Variants in CYTH3 observed in about 807,000 individuals in gnomAD.
CYTH3 encodes cytohesin 3.
A neutral mutation model predicts 55.1 loss-of-function variants in CYTH3; 23 were observed. That is an observed-to-expected ratio of 0.42 (90% CI 0.30 to 0.59). The LOEUF (loss-of-function observed/expected upper bound fraction) is 0.59, where lower values mean the gene tolerates loss of function less well. Among genes scored for constraint, CYTH3 ranks in the 20% least tolerant of loss-of-function variants. The pLI is 0.20. For synonymous variants in CYTH3, 249 were observed against 194.9 expected (o/e 1.28, Z -2.31); for missense variants, 413 against 524.8 (o/e 0.79, Z 2.08).
In CYTH3 at chr7:6,161,925, T is replaced by C. The variant is rs1005978191; in HGVS notation, c.*3019A>G. Reference sequence around the variant, plus strand: ...GCGAGCTGTGGGAGTATATACATCATTGAATAACAGACACTCCAGAAATCA... The same window carrying C: ...GCGAGCTGTGGGAGTATATACATCACTGAATAACAGACACTCCAGAAATCA... On this transcript the variant is annotated 3_prime_UTR_variant, in exon 13 of 13. Transcript: ENST00000350796. The C allele has an allele frequency of 3.9e-5, 6 of 152,586 alleles. No individual in the cohort carries two copies. The highest frequency in any genetic ancestry group is 1.2e-4 in the African/African-American group (5 of 41,436). 9.5% of individuals were successfully genotyped at this position (152,586 alleles called of 1,614,324 possible).
intron 1 of CYTH3, among the ~76,000 whole-genome samples, chr7:6,259,775 TATATATATAATATATATATATATATATA>T (rs1780261838): frequency 8.6e-5 from 2 of 23,124 alleles, no homozygotes; most frequent in Non-Finnish European, 1.2e-4. Flanking sequence ...ATATATATTA[TATATATATAATATATATATATATATATA>T]TATATATATA....
chr7:6,171,459 G>A lies in CYTH3; in HGVS notation c.450-145C>T. On this transcript the variant is annotated intron_variant, in intron 6 of 12. Coordinates refer to ENST00000350796, the MANE Select transcript of CYTH3 (RefSeq NM_004227.4). This position sits in a 1 kb window ranked among gnomAD's most constrained non-coding sequence, Gnocchi z 6.7. ...GCAGGGGCTTGGGGGCGCAGAGACA[G>A]AAAGGAGAAGACCCAGGACAGTCTC... 1.5e-6 allele frequency: 1 copy of A among 649,060 alleles called. No homozygotes were observed. The highest frequency in any genetic ancestry group is 2.7e-6 in the Non-Finnish European group (1 of 370,990). 40.2% of individuals were successfully genotyped at this position (649,060 alleles called of 1,614,324 possible). A position where few individuals can be genotyped will look rare whatever the true frequency, so the allele number is the denominator to read the frequency against.
chr7:6,173,637 A>T lies in CYTH3; in HGVS notation c.449+16T>A, dbSNP rs371854978. On this transcript the variant is annotated intron_variant, in intron 6 of 12. Coordinates refer to ENST00000350796, the MANE Select transcript of CYTH3 (RefSeq NM_004227.4). ...CTTCCCCATCCACTCTACACCCAGCAAATGATCATACTTACCTTAAGGCTT... is the reference window on the plus strand; with the variant it reads ...CTTCCCCATCCACTCTACACCCAGCTAATGATCATACTTACCTTAAGGCTT... The T allele has an allele frequency of 5.7e-6, 9 of 1,578,352 alleles. No individual in the cohort carries two copies. In the African/African-American group the frequency reaches 1.2e-4, roughly 21 times the overall value.
In CYTH3 at chr7:6,170,429, C is replaced by T. The variant is rs1783143142; in HGVS notation, c.823+106G>A. ...TTAACCGCGTTTCTTTTTAACGTCTCTGCCTGCGGTGGGGGGCATTCCTAC... is the reference window on the plus strand; with the variant it reads ...TTAACCGCGTTTCTTTTTAACGTCTTTGCCTGCGGTGGGGGGCATTCCTAC... On this transcript the variant is annotated intron_variant, in intron 9 of 12. Transcript: ENST00000350796. The surrounding 1 kb of genome is among the most constrained non-coding windows in gnomAD (Gnocchi z 7.8). 9.6e-7 allele frequency: 1 copy of T among 1,041,762 alleles called. No individual in the cohort carries two copies. The highest frequency in any genetic ancestry group is 2.5e-5 in the East Asian group (1 of 39,740). The allele number at this position is 1,041,762 out of a possible 1,614,324, so 64.5% of individuals were successfully genotyped here.
At position 6,165,395 on chromosome 7, in the gene CYTH3, T is replaced by A; in HGVS notation, c.1005A>T (p.Lys335Asn). ...TCTTACAGGCCTTGATGACCTGCCC[T>A]TTGTGGCTGGGATTGTAGAGCTCAA... ...NCFELYNPSHKGQVIKACKTE... is the reference protein window; with the variant it reads ...NCFELYNPSHNGQVIKACKTE... Residue 335 changes from lysine (K) to asparagine (N), a missense_variant, in exon 12 of 13, where the codon AAA (lysine) becomes AAT (asparagine). Lys to Asn is a moderately conservative substitution (Grantham distance 94). Transcript: ENST00000350796. 1 of 1,614,072 alleles carries A rather than the reference T, an allele frequency of 6.2e-7. No individual in the cohort carries two copies. Among genetic ancestry groups the A allele is most frequent in the Non-Finnish European group, 8.5e-7 (1 of 1,179,982 alleles).
At chr7:6,213,362 A>G (rs1219633069) in intron 1 of CYTH3, among the ~76,000 whole-genome samples, 1 of 152,222 alleles carries the variant, frequency 6.6e-6, no homozygotes, top group African/African-American at 2.4e-5. Flanking sequence ...TATAGAAAAG[A>G]GTTTGGGGAA....
At chr7:6,212,753 T>A (rs1784349158) in intron 1 of CYTH3, 1 of 152,234 alleles carries the variant, frequency 6.6e-6, no homozygotes, top group African/African-American at 2.4e-5. Context: ...CCTTCCTTTG[T>A]AAGGCTGAGT....
Position 6,239,841 on chromosome 7 carries a change from A to C in CYTH3, c.34+32633T>G, listed in dbSNP as rs558384957. Among the ~76,000 whole-genome samples the C allele has an allele frequency of 1.7e-4, 26 of 152,336 alleles. No homozygotes were observed. The Middle Eastern group carries it at 0.024, about 140-fold the overall frequency. ...AACATATGTAAGTAGAAGGAAAACTAACACACTTGAATGGTAACAGACTTG... is the reference window on the plus strand; with the variant it reads ...AACATATGTAAGTAGAAGGAAAACTCACACACTTGAATGGTAACAGACTTG... On this transcript the variant is annotated intron_variant, in intron 1 of 12. Coordinates refer to ENST00000350796, the MANE Select transcript of CYTH3 (RefSeq NM_004227.4).
At chr7:6,251,418 G>A (rs910806085) in intron 1 of CYTH3, among the ~76,000 whole-genome samples, 5 of 151,548 alleles carry the variant, frequency 3.3e-5, no homozygotes, top group East Asian at 1.9e-4. Context: ...CTACAAAAGC[G>A]TTTCTTTCAG....
intron 1 of CYTH3, among the ~76,000 whole-genome samples, chr7:6,198,163 C>T (rs1783979069): frequency 6.6e-6 from 1 of 150,438 alleles, no homozygotes; most frequent in African/African-American, 2.4e-5. Context: ...GTAGCAATAT[C>T]ACTCAGGATA....
At chr7:6,259,422 A>T (rs534402448) in intron 1 of CYTH3, among the ~76,000 whole-genome samples, 28 of 152,258 alleles carry the variant, frequency 1.8e-4, no homozygotes, top group African/African-American at 6.0e-4. Flanking sequence ...CAGCTCAAAG[A>T]GTAAATTTAC....
At chr7:6,173,764 A>G (rs1233574939) in intron 5 of CYTH3, 31 bp from the exon 6 acceptor site, 2 of 1,288,364 alleles carry the variant, frequency 1.6e-6, no homozygotes, top group Non-Finnish European at 2.3e-6. Context: ...TTTCAAACCT[A>G]ATGTACATTA....
chr7:6,210,085 G>A (rs1784290725), intron 1 of CYTH3, among the ~76,000 whole-genome samples: 1 of 152,122 alleles, frequency 6.6e-6, no homozygotes. Flanking sequence ...AAAAGGAAAT[G>A]CTATTGTAAA....
chr7:6,233,244 G>C (rs563116564), intron 1 of CYTH3, among the ~76,000 whole-genome samples: 1 of 152,234 alleles, frequency 6.6e-6, no homozygotes, highest in African/African-American at 2.4e-5. Flanking sequence ...TGTCCAAAAA[G>C]GAATTAATTA....
At chr7:6,262,012 C>T (rs1308050637) in intron 1 of CYTH3, among the ~76,000 whole-genome samples, 2 of 151,150 alleles carry the variant, frequency 1.3e-5, no homozygotes, top group African/African-American at 4.8e-5. Context: ...AAATTGGAAT[C>T]TTTAAAAAAA....
At chr7:6,232,662 G>A (rs1263581351) in intron 1 of CYTH3, among the ~76,000 whole-genome samples, 1 of 152,190 alleles carries the variant, frequency 6.6e-6, no homozygotes, top group Admixed American at 6.5e-5. Context: ...GGTGGCTGCA[G>A]CAGCAGCCAC....
chr7:6,235,917 T>C (rs1278116596), intron 1 of CYTH3, among the ~76,000 whole-genome samples: 2 of 152,190 alleles, frequency 1.3e-5, no homozygotes, highest in Non-Finnish European at 2.9e-5. Flanking sequence ...GTAGCTCCAA[T>C]CTATTGCTGT....
rs542506457 is a variant in CYTH3 at position 6,171,574 on chromosome 7, T to C, written c.450-260A>G. 6.6e-6 allele frequency among the ~76,000 whole-genome samples: 1 copy of C among 152,242 alleles called. No individual in the cohort carries two copies. Among genetic ancestry groups the C allele is most frequent in the East Asian group, 1.9e-4 (1 of 5,176 alleles). ...AGCAGCGAGGCCGGTTGTCTCTGCCTAAAAAGTAAATATCCAGGATCCTGG... is the reference window on the plus strand; with the variant it reads ...AGCAGCGAGGCCGGTTGTCTCTGCCCAAAAAGTAAATATCCAGGATCCTGG... On this transcript the variant is annotated intron_variant, in intron 6 of 12. Transcript: ENST00000350796. This position sits in a 1 kb window ranked among gnomAD's most constrained non-coding sequence, Gnocchi z 6.7.
intron 4 of CYTH3, among the ~76,000 whole-genome samples, chr7:6,185,985 A>ACATAAT (rs1783637159): frequency 6.6e-6 from 1 of 151,666 alleles, no homozygotes; most frequent in Admixed American, 6.6e-5. Context: ...TGGCTCACGC[A>ACATAAT]CATAATCCCA....
Sources: gnomAD v4.1 joint callset for allele counts (sites outside exome capture counted in the v4.1 genomes callset) on GRCh38, gnomAD v4.1.1 for gene constraint, Gnocchi (gnomAD v3.1) non-coding constraint, MANE v1.5 for transcripts, NCBI Gene and HGNC (gene_info 2026-07-23, HGNC 2026-07-21) for gene names.